Variants in PTPRG observed in about 807,000 individuals in gnomAD.
PTPRG encodes receptor-type tyrosine-protein phosphatase gamma.
In PTPRG, 102 loss-of-function variants were observed where a neutral mutation model predicts 165.3. The ratio of observed to expected loss-of-function variants is 0.62; its 90% confidence interval spans 0.53 to 0.73. The LOEUF (loss-of-function observed/expected upper bound fraction) is 0.73. Ranked by LOEUF, PTPRG falls within the 30% of genes least tolerant of loss-of-function variation. The probability of loss-of-function intolerance (pLI) is 0.00; values close to 1 mark genes in which losing one functional copy is unlikely to be tolerated. For missense variants in PTPRG, 1,866 were observed against 1,861.4 expected, an observed-to-expected ratio of 1.00 and a Z score of -0.05; for synonymous variants, 675 against 669.5, an observed-to-expected ratio of 1.01 and a Z score of -0.13.
intron 1 of PTPRG, among the ~76,000 whole-genome samples, chr3:61,678,639 C>T (rs1277712845): frequency 6.6e-6 from 1 of 152,148 alleles, no homozygotes; most frequent in Non-Finnish European, 1.5e-5. Context: ...ACGTGAATTT[C>T]CCATCCTGGC....
chr3:61,765,905 C>A (rs903545172), intron 2 of PTPRG, among the ~76,000 whole-genome samples: 2 of 152,094 alleles, frequency 1.3e-5, no homozygotes, highest in Non-Finnish European at 1.5e-5. Flanking sequence ...GTTCCCAAAC[C>A]CTCTTGTAGA....
chr3:62,278,512 G>A (rs899953425), intron 26 of PTPRG, among the ~76,000 whole-genome samples: 1 of 152,062 alleles, frequency 6.6e-6, no homozygotes, highest in African/African-American at 2.4e-5. Context: ...GTCTATAAAA[G>A]TTACTGTGTG....
At chr3:62,198,504 G>C (rs1416110242) in intron 10 of PTPRG, among the ~76,000 whole-genome samples, 1 of 152,168 alleles carries the variant, frequency 6.6e-6, no homozygotes, top group Non-Finnish European at 1.5e-5. Context: ...GAAAATGGGG[G>C]TTTATATGCT....
rs776877115 is a variant in PTPRG, at chr3:62,195,201, G to T, written c.1327+31G>T. On this transcript the variant is annotated intron_variant, in intron 10 of 29. Coordinates refer to ENST00000474889, the MANE Select transcript of PTPRG (RefSeq NM_002841.4). The surrounding 1 kb of genome is among the most constrained non-coding windows in gnomAD (Gnocchi z 4.4). ...GCTGGCTTCCCCTCCTGTGGCCGGG[G>T]TGCCCCTGAGACTCCCTCCCAATGC... 7.6e-6 allele frequency: 12 copies of T among 1,582,510 alleles called. No homozygotes were observed. The highest frequency in any genetic ancestry group is 8.7e-6 in the Non-Finnish European group (10 of 1,151,360).
chr3:62,068,575 A>T (rs866551675), intron 4 of PTPRG, among the ~76,000 whole-genome samples: 17 of 152,270 alleles, frequency 1.1e-4, no homozygotes, highest in African/African-American at 2.6e-4. Context: ...TCCTGGGCTC[A>T]AGTGATCCTC....
chr3:61,592,674 GGT>G (rs1700602188), intron 1 of PTPRG, among the ~76,000 whole-genome samples: 1 of 145,678 alleles, frequency 6.9e-6, no homozygotes, highest in African/African-American at 2.6e-5. Context: ...TAAGAAAGGG[GGT>G]GATCTGTCTA....
intron 2 of PTPRG, among the ~76,000 whole-genome samples, chr3:61,752,594 C>T (rs1385292804): frequency 6.6e-6 from 1 of 151,662 alleles, no homozygotes; most frequent in Non-Finnish European, 1.5e-5. Context: ...AGTTCGAGAC[C>T]TGCCAACATG....
In PTPRG at chr3:61,884,577, G is replaced by A. The variant is rs143517443; in HGVS notation, c.191-105048G>A. Among the ~76,000 whole-genome samples the A allele has an allele frequency of 4.9e-3, 752 of 152,288 alleles. 3 individuals carry two copies. Among genetic ancestry groups the A allele is most frequent in the Non-Finnish European group, 8.3e-3 (562 of 68,016 alleles). On this transcript the variant is annotated intron_variant, in intron 2 of 29. Coordinates refer to ENST00000474889, the MANE Select transcript of PTPRG (RefSeq NM_002841.4). The stretch of plus-strand genomic sequence containing the variant: ...AGTGAGAAGATACAAGGTTTTGCTT[G>A]TTTTCGTAGGATGTTGTCCTTGGTG...
At chr3:62,287,677 A>ATGAAG (rs1702720540) in intron 28 of PTPRG, among the ~76,000 whole-genome samples, 1 of 152,190 alleles carries the variant, frequency 6.6e-6, no homozygotes, top group African/African-American at 2.4e-5. Flanking sequence ...TAAAAACAGA[A>ATGAAG]TAAAGTATTC....
chr3:62,259,387 G>A (rs1467121757), intron 16 of PTPRG, among the ~76,000 whole-genome samples: 1 of 151,928 alleles, frequency 6.6e-6, no homozygotes, highest in African/African-American at 2.4e-5. Context: ...ACTAATGAGA[G>A]CTGATGAGCT....
Position 61,654,948 on chromosome 3 carries a change from C to A in PTPRG, c.85+92576C>A, listed in dbSNP as rs181174592. ...AGGTGCCCACCACCATGCCCAGCTA[C>A]TTTTTGTATTTTTTTTTTAGTAGAG... On this transcript the variant is annotated intron_variant, in intron 1 of 29. Coordinates refer to ENST00000474889, the MANE Select transcript of PTPRG (RefSeq NM_002841.4). Among the ~76,000 whole-genome samples the A allele has an allele frequency of 9.1e-3, 1,375 of 151,388 alleles. 28 individuals carry two copies. Among genetic ancestry groups the A allele is most frequent in the African/African-American group, 0.029 (1,190 of 41,212 alleles).
chr3:61,911,195 G>A (rs766386837), intron 2 of PTPRG, among the ~76,000 whole-genome samples: 1 of 152,010 alleles, frequency 6.6e-6, no homozygotes, highest in East Asian at 1.9e-4. Context: ...ATACATTTTT[G>A]GTTTCAAGAC....
chr3:61,950,306 C>T (rs75330423), intron 2 of PTPRG, among the ~76,000 whole-genome samples: 1,868 of 152,234 alleles, frequency 0.012, 31 homozygotes, highest in African/African-American at 0.042. Context: ...TTGCTTATAC[C>T]TGTGTTATGA....
chr3:62,224,195 T>C lies in PTPRG; in HGVS notation c.2288+5212T>C, dbSNP rs140526872. ...CACCCGCAACCCCAGGAAACAACTC[T>C]GAAGCCCAGTGGCCAGCCTCATTAA... On this transcript the variant is annotated intron_variant, in intron 13 of 29. Coordinates refer to ENST00000474889, the MANE Select transcript of PTPRG (RefSeq NM_002841.4). This position sits in a 1 kb window ranked among gnomAD's most constrained non-coding sequence, Gnocchi z 4.9. Among the ~76,000 whole-genome samples, 6 of 152,328 alleles carry C rather than the reference T, an allele frequency of 3.9e-5. No individual in the cohort carries two copies. In the East Asian group the frequency reaches 1.2e-3, roughly 29 times the overall value.
intron 2 of PTPRG, among the ~76,000 whole-genome samples, chr3:61,941,815 T>C (rs1404213905): frequency 1.3e-5 from 2 of 152,108 alleles, no homozygotes; most frequent in Non-Finnish European, 2.9e-5. Context: ...TAAAGAAATA[T>C]TTGATTTGCT....
intron 4 of PTPRG, among the ~76,000 whole-genome samples, chr3:62,042,984 G>A (rs1206949206): frequency 6.6e-6 from 1 of 152,124 alleles, no homozygotes; most frequent in Non-Finnish European, 1.5e-5. Flanking sequence ...TTAAGCACAC[G>A]TAGTAAAAAT....
chr3:62,003,899 C>G (rs1253647259), intron 4 of PTPRG, among the ~76,000 whole-genome samples: 1 of 152,196 alleles, frequency 6.6e-6, no homozygotes, highest in African/African-American at 2.4e-5. Context: ...AGAACCTTCT[C>G]TTGGTAGCAA....
chr3:61,831,503 T>G (rs561427537), intron 2 of PTPRG, among the ~76,000 whole-genome samples: 30 of 152,380 alleles, frequency 2.0e-4, no homozygotes, highest in Non-Finnish European at 4.3e-4. Context: ...AACCTCATGT[T>G]ACTTCTCTTG....
At chr3:62,060,221 A>C in intron 4 of PTPRG, among the ~76,000 whole-genome samples, 1 of 151,898 alleles carries the variant, frequency 6.6e-6, no homozygotes, top group Non-Finnish European at 1.5e-5. Flanking sequence ...CAAAAAAAAA[A>C]AAAAAAAAAA....
Sources: gnomAD v4.1 joint callset for allele counts (sites outside exome capture counted in the v4.1 genomes callset) on GRCh38, gnomAD v4.1.1 for gene constraint, Gnocchi (gnomAD v3.1) non-coding constraint, MANE v1.5 for transcripts, NCBI Gene and HGNC (gene_info 2026-07-23, HGNC 2026-07-21) for gene names.